The following STAU2 variants were observed in gnomAD, a reference collection of about 807,000 sequenced individuals.
The protein encoded by STAU2 is staufen double-stranded RNA binding protein 2, also known as double-stranded RNA-binding protein Staufen homolog 2.
A neutral mutation model predicts 65.9 loss-of-function variants in STAU2; 20 were observed. The observed-to-expected ratio is 0.30, with a 90% CI of 0.21 to 0.44. The LOEUF (loss-of-function observed/expected upper bound fraction) is 0.44. STAU2 is among the 20% of genes least tolerant of loss of function. The probability of loss-of-function intolerance (pLI) is 1.00; values close to 1 mark genes in which losing one functional copy is unlikely to be tolerated. For synonymous variants in STAU2, 232 were observed against 233.9 expected (o/e 0.99, Z 0.07); for missense variants, 558 against 683.9 (o/e 0.82, Z 2.05).
At chr8:73,465,642 A>G (rs1819613230) in intron 13 of STAU2, among the ~76,000 whole-genome samples, 1 of 152,060 alleles carries the variant, frequency 6.6e-6, no homozygotes. Flanking sequence ...CTGAACACCA[A>G]TCATTCTGTG....
chr8:73,530,981 G>C (rs984334197), intron 13 of STAU2, among the ~76,000 whole-genome samples: 1 of 152,146 alleles, frequency 6.6e-6, no homozygotes, highest in African/African-American at 2.4e-5. Flanking sequence ...GCACAATGGA[G>C]GCCACCAGGA....
rs1817794446 is a variant in STAU2 at position 73,673,022 on chromosome 8, A to C, written c.410+85T>G. Reference sequence around the variant, plus strand: ...ATGCCCAAGGTCAATTAGATTTACAATGAAAATACTCTTTTGAGTGTGAGA... The same window carrying C: ...ATGCCCAAGGTCAATTAGATTTACACTGAAAATACTCTTTTGAGTGTGAGA... On this transcript the variant is annotated intron_variant, in intron 6 of 14. Coordinates refer to ENST00000524300, the MANE Select transcript of STAU2 (RefSeq NM_001164380.2). The C allele has an allele frequency of 7.1e-6, 9 of 1,269,274 alleles. No individual in the cohort carries two copies. The South Asian group carries it at 2.1e-4, about 30-fold the overall frequency. 78.6% of individuals were successfully genotyped at this position (1,269,274 alleles called of 1,614,324 possible). A position where few individuals can be genotyped will look rare whatever the true frequency, so the allele number is the denominator to read the frequency against.
At chr8:73,556,601 CA>C (rs1375910856) in intron 12 of STAU2, among the ~76,000 whole-genome samples, 4 of 152,044 alleles carry the variant, frequency 2.6e-5, no homozygotes, top group Non-Finnish European at 5.9e-5. Flanking sequence ...ACTAAAAATA[CA>C]AAAAATTAGC....
At chr8:73,602,842 A>C (rs1308012124) in intron 10 of STAU2, among the ~76,000 whole-genome samples, 7 of 152,170 alleles carry the variant, frequency 4.6e-5, no homozygotes, top group Non-Finnish European at 1.0e-4. Flanking sequence ...AAAAGCTTTC[A>C]TATTTCTTAG....
At chr8:73,624,395 A>G in intron 6 of STAU2, among the ~76,000 whole-genome samples, 1 of 152,184 alleles carries the variant, frequency 6.6e-6, no homozygotes, top group East Asian at 1.9e-4. Flanking sequence ...CTTGGAACCA[A>G]CATAAACTTG....
chr8:73,648,798 T>C (rs530519867), intron 6 of STAU2, among the ~76,000 whole-genome samples: 1 of 152,320 alleles, frequency 6.6e-6, no homozygotes, highest in East Asian at 1.9e-4. Flanking sequence ...GTTTTTCAAA[T>C]GCGAGTTTTC....
intron 1 of STAU2, among the ~76,000 whole-genome samples, chr8:73,744,439 G>T (rs1807132526): frequency 1.4e-5 from 2 of 146,146 alleles, no homozygotes; most frequent in East Asian, 2.0e-4. Flanking sequence ...CACTGAACGT[G>T]CACAAAACAA....
intron 12 of STAU2, among the ~76,000 whole-genome samples, chr8:73,575,360 T>C (rs777142103): frequency 5.3e-5 from 8 of 152,128 alleles, no homozygotes; most frequent in Non-Finnish European, 1.2e-4. Context: ...CCTGAAGCTG[T>C]AGGGAAACAG....
chr8:73,617,408 C>T lies in STAU2; in HGVS notation c.454G>A (p.Val152Ile). ...VPKIFYVQLT[V>I]GNNEFFGEGK... ...TCCCCAAAAAATTCATTATTTCCTA[C>T]AGTGAGCTGAACATAAAAGATCTTA... The change falls in exon 7 of 15, where the codon GTA becomes ATA. Residue 152 changes from valine to isoleucine, a missense_variant. Physicochemically the swap from Val to Ile is conservative, Grantham distance 29. Around this residue, in one of 3 missense-constraint regions of STAU2, gnomAD observed 199 missense variants for 299.5 expected, o/e 0.66. Transcript: ENST00000524300. 1 of 1,614,074 alleles carries T rather than the reference C, an allele frequency of 6.2e-7. No homozygotes were observed.
At chr8:73,740,943 T>C (rs1425079598) in intron 1 of STAU2, among the ~76,000 whole-genome samples, 2 of 145,974 alleles carry the variant, frequency 1.4e-5, no homozygotes, top group African/African-American at 5.1e-5. Context: ...AGGCCAAGGT[T>C]GCAGTGAGCC....
chr8:73,651,483 T>C (rs1815873341), intron 6 of STAU2: 1 of 693,144 alleles, frequency 1.4e-6, no homozygotes, highest in Non-Finnish European at 2.7e-6. Context: ...CTGAACAGCC[T>C]CTTCTCGGAG....
At chr8:73,429,937 C>T (rs986475827) in intron 13 of STAU2, among the ~76,000 whole-genome samples, 3 of 152,202 alleles carry the variant, frequency 2.0e-5, no homozygotes, top group African/African-American at 7.2e-5. Context: ...CACACAGTGT[C>T]CCGTCAGCAG....
rs71269928 is a variant in STAU2 at position 73,654,637 on chromosome 8, C to CAAA, written c.410+18467_410+18469dup. Among the ~76,000 whole-genome samples, 64 of 26,278 alleles carry CAAA rather than the reference C, an allele frequency of 2.4e-3. 3 individuals are homozygous for CAAA. The highest frequency in any genetic ancestry group is 5.6e-3 in the Admixed American group (6 of 1,072). 17.2% of individuals were successfully genotyped at this position (26,278 alleles called of 152,430 possible). A position where few individuals can be genotyped will look rare whatever the true frequency, so the allele number is the denominator to read the frequency against. ...CCTAGATGACAGAACAAGATTGTCTCAAAAAAAAAAAAAAAAAAAAAAAAG... is the reference window on the plus strand; with the variant it reads ...CCTAGATGACAGAACAAGATTGTCTCAAAAAAAAAAAAAAAAAAAAAAAAAAAG... On this transcript the variant is annotated intron_variant, in intron 6 of 14. Coordinates refer to ENST00000524300, the MANE Select transcript of STAU2 (RefSeq NM_001164380.2).
chr8:73,558,938 T>C (rs1455907903), intron 12 of STAU2, among the ~76,000 whole-genome samples: 1 of 152,208 alleles, frequency 6.6e-6, no homozygotes, highest in African/African-American at 2.4e-5. Flanking sequence ...AGTGAGTTTT[T>C]CACAATAAAA....
At chr8:73,499,926 T>G (rs183890207) in intron 13 of STAU2, among the ~76,000 whole-genome samples, 5 of 151,922 alleles carry the variant, frequency 3.3e-5, no homozygotes, top group Admixed American at 1.3e-4. Flanking sequence ...CAAGCAGTGA[T>G]AGTCAAGAGA....
intron 13 of STAU2, among the ~76,000 whole-genome samples, chr8:73,506,467 A>C (rs774017613): frequency 6.6e-5 from 10 of 152,172 alleles, no homozygotes; most frequent in Non-Finnish European, 1.2e-4. Flanking sequence ...CCTACACTCC[A>C]GTCTATTAAG....
intron 6 of STAU2, among the ~76,000 whole-genome samples, chr8:73,623,402 T>C (rs1813405899): frequency 6.6e-6 from 1 of 152,200 alleles, no homozygotes; most frequent in Admixed American, 6.5e-5. Flanking sequence ...GAAAAATAAT[T>C]ACCTCATTCT....
chr8:73,461,541 C>T (rs771691010), intron 13 of STAU2, among the ~76,000 whole-genome samples: 2 of 151,896 alleles, frequency 1.3e-5, no homozygotes, highest in Non-Finnish European at 2.9e-5. Flanking sequence ...TATGAGGTGA[C>T]TTTGGAAGCT....
At chr8:73,629,722 G>A (rs186911919) in intron 6 of STAU2, among the ~76,000 whole-genome samples, 6 of 152,210 alleles carry the variant, frequency 3.9e-5, no homozygotes, top group Admixed American at 3.9e-4. Context: ...ATGATTTACT[G>A]GAATTATACA....
Sources: allele counts gnomAD v4.1 joint callset (sites outside exome capture counted in the v4.1 genomes callset), GRCh38; gene constraint gnomAD v4.1.1; regional missense constraint gnomAD v4.1.1; transcripts MANE v1.5; gene names NCBI Gene and HGNC (gene_info 2026-07-23, HGNC 2026-07-21).